Variants in SPTY2D1 observed in about 807,000 individuals in gnomAD.
SPTY2D1 encodes protein SPT2 homolog.
Under a neutral mutation model 64.0 loss-of-function variants are expected in SPTY2D1, and 21 were observed. The ratio of observed to expected loss-of-function variants is 0.33; its 90% CI spans 0.23 to 0.47. The LOEUF is 0.47. Ranked by LOEUF, SPTY2D1 falls within the 20% of genes least tolerant of loss-of-function variation. The pLI is 1.00. For synonymous variants in SPTY2D1, 287 were observed against 286.8 expected (o/e 1.00, Z -0.01); for missense variants, 724 against 837.2 (o/e 0.86, Z 1.67).
chr11:18,616,754 CA>C, intron 2 of SPTY2D1, 120 bp downstream of exon 2: 1 of 815,410 alleles, frequency 1.2e-6, no homozygotes, highest in Non-Finnish European at 2.0e-6. Context: ...CACACACACA[CA>C]CACACACCCT....
At chr11:18,610,481 T>C (rs1854183858) in intron 5 of SPTY2D1, among the ~76,000 whole-genome samples, 1 of 151,576 alleles carries the variant, frequency 6.6e-6, no homozygotes, top group Admixed American at 6.6e-5. Flanking sequence ...GGCCAACATA[T>C]GGTGAAACCC....
intron 1 of SPTY2D1, among the ~76,000 whole-genome samples, chr11:18,627,434 A>AAACAAC (rs954360744): frequency 6.6e-6 from 1 of 150,996 alleles, no homozygotes; most frequent in Non-Finnish European, 1.5e-5. Flanking sequence ...CCATCTCCAA[A>AAACAAC]AACAACAACA....
chr11:18,622,211 C>A (rs10766487), intron 1 of SPTY2D1, among the ~76,000 whole-genome samples: 2 of 151,508 alleles, frequency 1.3e-5, no homozygotes, highest in South Asian at 2.1e-4. Context: ...CTGGGTCACT[C>A]GAGATCATCT....
chr11:18,625,228 C>T lies in SPTY2D1; in HGVS notation c.61-8239G>A, dbSNP rs1013631996. ...ATCAGAGTCAGAGAAAGAAAGTAGG[C>T]CTGGAAAACCAATGGTTCCATTAGA... On this transcript the variant is annotated intron_variant, in intron 1 of 5. Transcript: ENST00000336349. Among the ~76,000 whole-genome samples, 6 of 152,076 alleles carry T rather than the reference C, an allele frequency of 3.9e-5. No individual in the cohort carries two copies. The East Asian group carries it at 9.6e-4, about 24-fold the overall frequency.
intron 1 of SPTY2D1, among the ~76,000 whole-genome samples, chr11:18,621,078 T>C (rs1590403255): frequency 6.6e-6 from 1 of 150,876 alleles, no homozygotes. Context: ...CTGAAGCGGG[T>C]GGATCACCTG....
At position 18,614,819 on chromosome 11, in the gene SPTY2D1, C is replaced by T. The variant is rs558612480; in HGVS notation, c.1455G>A (p.Pro485=). 1.9e-5 allele frequency: 30 copies of T among 1,613,056 alleles called. No individual in the cohort carries two copies. The highest frequency in any genetic ancestry group is 3.3e-5 in the Admixed American group (2 of 59,988). Residue 485 remains proline, a synonymous_variant, in exon 3 of 6, where the codon CCG becomes CCA. Coordinates refer to ENST00000336349, the MANE Select transcript of SPTY2D1 (RefSeq NM_194285.3). ...TCCCAGGGCCACTGACAGACCGCCC[C>T]GGGGGGCCCAAGCCACTCACTGGTC... ...LRRPVSGLGP[P]GRSVSGPGRS...
chr11:18,613,223 T>C (rs1411295190), intron 3 of SPTY2D1, among the ~76,000 whole-genome samples: 3 of 152,240 alleles, frequency 2.0e-5, no homozygotes, highest in Admixed American at 2.0e-4. Context: ...CAGAATTATA[T>C]TGTTCAAACT....
In SPTY2D1 at chr11:18,608,370, G is replaced by T. The variant is rs1854141572; in HGVS notation, c.*1491C>A. Reference sequence around the variant, plus strand: ...ATAATACCCAAACTTGAAGAATAAAGACTTTATGGATAAAAAGGAATAAAC... The same window carrying T: ...ATAATACCCAAACTTGAAGAATAAATACTTTATGGATAAAAAGGAATAAAC... On this transcript the variant is annotated 3_prime_UTR_variant, in exon 6 of 6. Transcript: ENST00000336349. 1.3e-5 allele frequency: 2 copies of T among 152,512 alleles called. No homozygotes were observed. The highest frequency in any genetic ancestry group is 4.8e-5 in the African/African-American group (2 of 41,436). 9.4% of individuals were successfully genotyped at this position (152,512 alleles called of 1,614,324 possible).
At position 18,615,104 on chromosome 11, in the gene SPTY2D1, T is replaced by G. The variant is rs753984850; in HGVS notation, c.1170A>C (p.Thr390=). Residue 390 remains threonine (T), a synonymous_variant, in exon 3 of 6, where the codon ACA becomes ACC. Coordinates refer to ENST00000336349, the MANE Select transcript of SPTY2D1 (RefSeq NM_194285.3). ...GCCTAGGCACAGGGCCAGAACTAAC[T>G]GTGGGTCGAGCAACCCCTGTGCTGG... ...GQPSTGVARP[T]VSSGPVPRRQ... The G allele has an allele frequency of 1.2e-5, 19 of 1,614,192 alleles. No homozygotes were observed. The highest frequency in any genetic ancestry group is 1.6e-5 in the Non-Finnish European group (19 of 1,180,034).
rs1270802269 is a variant in SPTY2D1 at position 18,606,811 on chromosome 11, T to G, written c.*3050A>C. ...TTACAAAATACAAAACAACAATTTA[T>G]TTCTTGGAGAAAATCTTGGGGATTA... On this transcript the variant is annotated 3_prime_UTR_variant, in exon 6 of 6. Coordinates refer to ENST00000336349, the MANE Select transcript of SPTY2D1 (RefSeq NM_194285.3). The G allele has an allele frequency of 7.2e-5, 27 of 375,192 alleles. No individual in the cohort carries two copies. The highest frequency in any genetic ancestry group is 5.0e-6 in the Non-Finnish European group (1 of 198,528). 23.2% of individuals were successfully genotyped at this position (375,192 alleles called of 1,614,324 possible). A position where few individuals can be genotyped will look rare whatever the true frequency, so the allele number is the denominator to read the frequency against.
intron 1 of SPTY2D1, among the ~76,000 whole-genome samples, chr11:18,617,550 CG>C (rs1854319252): frequency 1.4e-5 from 2 of 147,488 alleles, no homozygotes; most frequent in Non-Finnish European, 3.0e-5. Flanking sequence ...TGCTTGAACC[CG>C]GGAGGCAGAG....
intron 1 of SPTY2D1, among the ~76,000 whole-genome samples, chr11:18,626,328 GCCTATCAGTTT>G (rs564624055): frequency 7.2e-4 from 110 of 152,058 alleles, no homozygotes; most frequent in Admixed American, 1.2e-3. Context: ...ATATCCTTCT[GCCTATCAGTTT>G]CCAAATGATT....
chr11:18,612,552 A>G lies in SPTY2D1; in HGVS notation c.1712-64T>C, dbSNP rs1046281090. On this transcript the variant is annotated intron_variant, in intron 3 of 5. Coordinates refer to ENST00000336349, the MANE Select transcript of SPTY2D1 (RefSeq NM_194285.3). This position sits in a 1 kb window ranked among gnomAD's most constrained non-coding sequence, Gnocchi z 4.6. ...ATAGTTCCAATGCAGTTCTATGTAA[A>G]CTGAAATTGTGAGTCATCATTAAGA... The G allele has an allele frequency of 7.9e-6, 11 of 1,399,152 alleles. No individual in the cohort carries two copies. The highest frequency in any genetic ancestry group is 9.5e-6 in the Non-Finnish European group (10 of 1,052,496). 86.7% of individuals were successfully genotyped at this position (1,399,152 alleles called of 1,614,324 possible).
chr11:18,622,086 CAA>C (rs747593791), intron 1 of SPTY2D1, among the ~76,000 whole-genome samples: 3 of 11,832 alleles, frequency 2.5e-4, no homozygotes, highest in African/African-American at 4.8e-4. Flanking sequence ...GACCCTATCT[CAA>C]AAAAAAAAAA....
intron 1 of SPTY2D1, among the ~76,000 whole-genome samples, chr11:18,620,212 C>T (rs568791535): frequency 4.7e-4 from 71 of 152,282 alleles, no homozygotes; most frequent in African/African-American, 1.5e-3. Context: ...CGGTGGTTCA[C>T]GCCTGTAATC....
intron 1 of SPTY2D1, among the ~76,000 whole-genome samples, chr11:18,625,294 C>T (rs1854477760): frequency 6.6e-6 from 1 of 152,274 alleles, no homozygotes; most frequent in Admixed American, 6.5e-5. Flanking sequence ...AATTAATAAC[C>T]TGCCCCAAAA....
chr11:18,615,781 G>A lies in SPTY2D1; in HGVS notation c.493C>T (p.Pro165Ser). The change falls in exon 3 of 6, where the codon CCA (proline) becomes TCA (serine). Residue 165 changes from proline (P) to serine (S), a missense_variant. Around this residue, in one of 3 missense-constraint regions of SPTY2D1, gnomAD observed 179 missense variants for 232.5 expected, o/e 0.77. Coordinates refer to ENST00000336349, the MANE Select transcript of SPTY2D1 (RefSeq NM_194285.3). ...AGTAAATCAGTGAAGTTCATGGGTG[G>A]TGGGGCACTTTTAAGGGGGACCTTT... ...KPKVPLKSAP[P>S]PMNFTDLLRL... 6.2e-7 allele frequency: 1 copy of A among 1,614,122 alleles called. No individual in the cohort carries two copies. The highest frequency in any genetic ancestry group is 8.5e-7 in the Non-Finnish European group (1 of 1,180,010).
At chr11:18,631,808 G>A (rs1160915255) in intron 1 of SPTY2D1, among the ~76,000 whole-genome samples, 1 of 152,132 alleles carries the variant, frequency 6.6e-6, no homozygotes, top group Non-Finnish European at 1.5e-5. Flanking sequence ...TAAGGAAAAA[G>A]TAAATAGAAC....
chr11:18,614,536 ACTCT>A, intron 3 of SPTY2D1, 23 bp downstream of exon 3: 4 of 1,574,202 alleles, frequency 2.5e-6, no homozygotes, highest in Non-Finnish European at 3.5e-6. Flanking sequence ...ACAAATATAT[ACTCT>A]TTCGGGTGAG....
Sources: gnomAD v4.1 joint callset for allele counts (sites outside exome capture counted in the v4.1 genomes callset) on GRCh38, gnomAD v4.1.1 for gene constraint, gnomAD v4.1.1 regional missense constraint, Gnocchi (gnomAD v3.1) non-coding constraint, MANE v1.5 for transcripts, NCBI Gene and HGNC (gene_info 2026-07-23, HGNC 2026-07-21) for gene names.